KANK1: variants seen among roughly 807,000 people sequenced by gnomAD.
KANK1 encodes KN motif and ankyrin repeat domains 1, also known as KN motif and ankyrin repeat domain-containing protein 1.
Under a neutral mutation model 106.2 loss-of-function variants are expected in KANK1, and 109 were observed. The ratio of observed to expected loss-of-function variants is 1.03; its 90% CI spans 0.88 to 1.20. The LOEUF (loss-of-function observed/expected upper bound fraction) is 1.20, where lower values mean the gene tolerates loss of function less well. KANK1 is among the 50% of genes most tolerant of loss of function. The pLI is 0.00. For synonymous variants in KANK1, 873 were observed against 652.2 expected, an observed-to-expected ratio of 1.34 and a Z score of -5.16; for missense variants, 2,399 against 1,710.7, an observed-to-expected ratio of 1.40 and a Z score of -7.10.
chr9:649,267 A>T (rs1355816110), intron 1 of KANK1, among the ~76,000 whole-genome samples: 1 of 152,058 alleles, frequency 6.6e-6, no homozygotes, highest in African/African-American at 2.4e-5. Flanking sequence ...TAGGGAGATT[A>T]TATGTCCCAG....
chr9:653,304 G>A (rs7863471), intron 1 of KANK1, among the ~76,000 whole-genome samples: 2 of 151,844 alleles, frequency 1.3e-5, no homozygotes, highest in Non-Finnish European at 2.9e-5. Context: ...TCCCAGGCTC[G>A]TGGTCTCTCT....
rs1325021234 is a variant in KANK1, at chr9:662,810, C to T, written c.-83-14080C>T. On this transcript the variant is annotated intron_variant, in intron 1 of 11. Transcript: ENST00000382297. ...CCGAGTAGCTGGGATTACAGGCACC[C>T]GCCACCACGCCTGGCTAATTTTTGT... Among the ~76,000 whole-genome samples the T allele has an allele frequency of 1.4e-4, 22 of 151,972 alleles. 1 individual carries two copies. Among genetic ancestry groups the T allele is most frequent in the Admixed American group, 5.2e-4 (8 of 15,256 alleles).
intron 1 of KANK1, among the ~76,000 whole-genome samples, chr9:556,602 A>G (rs1251709954): frequency 2.0e-5 from 3 of 152,226 alleles, no homozygotes; most frequent in African/African-American, 7.2e-5. Flanking sequence ...ATCCAAAGTG[A>G]GATTTTTAAA....
chr9:727,682 G>C, intron 3 of KANK1, among the ~76,000 whole-genome samples: 1 of 99,880 alleles, frequency 1.0e-5, no homozygotes, highest in Non-Finnish European at 2.2e-5. Context: ...AACTTTTCAT[G>C]TGTGTGTGTG....
rs1003755927 is a variant in KANK1, at chr9:509,958, A to G, written c.-84+5204A>G. On this transcript the variant is annotated intron_variant, in intron 1 of 11. Coordinates refer to ENST00000382297, the MANE Select transcript of KANK1 (RefSeq NM_015158.5). Reference sequence around the variant, plus strand: ...TGGGACTACAGGCATGTGCCACTGCACTCAGCTAATTTTTCCTTTTTTTTT... The same window carrying G: ...TGGGACTACAGGCATGTGCCACTGCGCTCAGCTAATTTTTCCTTTTTTTTT... 3.4e-5 allele frequency among the ~76,000 whole-genome samples: 5 copies of G among 147,910 alleles called. No individual in the cohort carries two copies. In the East Asian group the frequency reaches 7.8e-4, roughly 23 times the overall value.
At chr9:642,273 C>T (rs182198056) in intron 1 of KANK1, among the ~76,000 whole-genome samples, 47 of 146,132 alleles carry the variant, frequency 3.2e-4, no homozygotes, top group Non-Finnish European at 4.9e-4. Flanking sequence ...CAGAAAACTG[C>T]GTGGTTAAGT....
intron 1 of KANK1, among the ~76,000 whole-genome samples, chr9:665,938 G>A (rs572102804): frequency 2.0e-5 from 3 of 152,094 alleles, no homozygotes; most frequent in Non-Finnish European, 4.4e-5. Flanking sequence ...CCAACACTTC[G>A]AGAGGCCAAA....
intron 1 of KANK1, among the ~76,000 whole-genome samples, chr9:593,110 G>T (rs1224832683): frequency 6.6e-6 from 1 of 151,754 alleles, no homozygotes; most frequent in African/African-American, 2.4e-5. Flanking sequence ...TTTTTAAACT[G>T]TTGGAACCTG....
intron 1 of KANK1, among the ~76,000 whole-genome samples, chr9:525,947 G>C (rs1173869320): frequency 6.6e-6 from 1 of 151,734 alleles, no homozygotes; most frequent in East Asian, 1.9e-4. Flanking sequence ...TAAAGGATCA[G>C]TTTGTTTCTG....
chr9:577,408 CACAGAGCGCTGATTGGTGCGTTTTT>C (rs1215707365), intron 1 of KANK1, among the ~76,000 whole-genome samples: 3 of 152,066 alleles, frequency 2.0e-5, no homozygotes, highest in African/African-American at 7.3e-5. Flanking sequence ...AACCTTTAGA[CACAGAGCGCTGATTGGTGCGTTTTT>C]ACAGAGTGCT....
intron 3 of KANK1, 132 bp from the exon 4 acceptor site, chr9:729,919 A>T: frequency 1.3e-6 from 1 of 750,834 alleles, no homozygotes; most frequent in South Asian, 1.9e-5. Context: ...TGGAGCGTCA[A>T]AGGGGCTTCT....
intron 2 of KANK1, among the ~76,000 whole-genome samples, chr9:699,996 A>T (rs1822250902): frequency 6.6e-6 from 1 of 152,156 alleles, no homozygotes; most frequent in Admixed American, 6.5e-5. Context: ...AGAATGAATG[A>T]ATACATACTT....
At chr9:555,070 A>G (rs931509253) in intron 1 of KANK1, among the ~76,000 whole-genome samples, 4 of 152,194 alleles carry the variant, frequency 2.6e-5, no homozygotes, top group Non-Finnish European at 5.9e-5. Flanking sequence ...ATACCAGGTA[A>G]TGTTTCTGCT....
chr9:697,917 ATC>A (rs1440193954), intron 2 of KANK1, among the ~76,000 whole-genome samples: 1 of 152,170 alleles, frequency 6.6e-6, no homozygotes, highest in Non-Finnish European at 1.5e-5. Context: ...ATATGTATTT[ATC>A]TCAGACAGTA....
intron 1 of KANK1, among the ~76,000 whole-genome samples, chr9:650,799 A>G (rs971565797): frequency 6.6e-6 from 1 of 152,134 alleles, no homozygotes; most frequent in African/African-American, 2.4e-5. Flanking sequence ...ATGAATAAAG[A>G]AATGTTGCAG....
At chr9:571,858 T>G (rs1286403717) in intron 1 of KANK1, among the ~76,000 whole-genome samples, 1 of 152,156 alleles carries the variant, frequency 6.6e-6, no homozygotes, top group Non-Finnish European at 1.5e-5. Context: ...ATAGGAAAAT[T>G]CTTATGTATT....
chr9:566,109 G>A (rs987470186), intron 1 of KANK1, among the ~76,000 whole-genome samples: 18 of 152,182 alleles, frequency 1.2e-4, no homozygotes, highest in African/African-American at 4.1e-4. Context: ...AAGTGACAAC[G>A]TGTAGTATTT....
At chr9:613,774 T>TTC (rs1361907720) in intron 1 of KANK1, among the ~76,000 whole-genome samples, 4 of 152,024 alleles carry the variant, frequency 2.6e-5, no homozygotes, top group Non-Finnish European at 5.9e-5. Context: ...CATGAGCCCC[T>TTC]TAAGTTTTGT....
rs1004433233 is a variant in KANK1, at chr9:520,642, A to G, written c.-84+15888A>G. Among the ~76,000 whole-genome samples the G allele has an allele frequency of 2.4e-4, 36 of 151,874 alleles. 1 individual carries two copies. On this transcript the variant is annotated intron_variant, in intron 1 of 11. Transcript: ENST00000382297. ...TAATGGCCTGTGTTCTGATTCAGAAATAGTTTTTAGAATTGGTTAAATCTG... is the reference window on the plus strand; with the variant it reads ...TAATGGCCTGTGTTCTGATTCAGAAGTAGTTTTTAGAATTGGTTAAATCTG...
Sources: allele counts gnomAD v4.1 joint callset (sites outside exome capture counted in the v4.1 genomes callset), GRCh38; gene constraint gnomAD v4.1.1; transcripts MANE v1.5; gene names NCBI Gene and HGNC (gene_info 2026-07-23, HGNC 2026-07-21).